SPAG16: variants seen among roughly 807,000 people sequenced by gnomAD.
SPAG16 encodes the protein sperm associated antigen 16, also known as sperm-associated antigen 16 protein.
Under a neutral mutation model 80.4 loss-of-function variants are expected in SPAG16, and 86 were observed. The observed-to-expected ratio is 1.07, with a 90% CI of 0.90 to 1.28. SPAG16 has a LOEUF of 1.28. Ranked by LOEUF, SPAG16 falls within the 50% of genes most tolerant of loss-of-function variation. The pLI, the probability that SPAG16 is intolerant of heterozygous loss-of-function variation, is 0.00. For synonymous variants in SPAG16, 294 were observed against 265.9 expected (o/e 1.11, Z -1.03); for missense variants, 870 against 765.3 (o/e 1.14, Z -1.61).
chr2:213,629,752 A>G (rs1043203874), intron 10 of SPAG16, among the ~76,000 whole-genome samples: 4 of 152,156 alleles, frequency 2.6e-5, no homozygotes, highest in Non-Finnish European at 4.4e-5. Flanking sequence ...CTGGCTGGGT[A>G]TAGGCAATGG....
At chr2:214,354,859 G>A (rs1331437684) in intron 15 of SPAG16, among the ~76,000 whole-genome samples, 1 of 152,114 alleles carries the variant, frequency 6.6e-6, no homozygotes. Flanking sequence ...TGTATCCTGA[G>A]ACTTTGCTGA....
chr2:213,625,106 T>A (rs1436326636), intron 10 of SPAG16, among the ~76,000 whole-genome samples: 6 of 152,158 alleles, frequency 3.9e-5, no homozygotes, highest in Admixed American at 3.9e-4. Context: ...GTTTTTTAAT[T>A]CTAAATGGAG....
At chr2:214,303,970 G>C (rs2125961494) in intron 15 of SPAG16, among the ~76,000 whole-genome samples, 1 of 152,218 alleles carries the variant, frequency 6.6e-6, no homozygotes, top group Non-Finnish European at 1.5e-5. Context: ...ATTAAGCCTA[G>C]TACCCATTAG....
At chr2:214,048,805 G>A (rs2049480454) in intron 13 of SPAG16, among the ~76,000 whole-genome samples, 1 of 152,024 alleles carries the variant, frequency 6.6e-6, no homozygotes, top group Non-Finnish European at 1.5e-5. Context: ...AATATCTCAT[G>A]TAACCCATAA....
At chr2:214,291,547 C>T (rs9678238) in intron 15 of SPAG16, among the ~76,000 whole-genome samples, 113,331 of 151,344 alleles carry the variant, frequency 0.75, 44,226 homozygotes, top group South Asian at 0.86. Flanking sequence ...CCTCGTGATC[C>T]GCCCGCCTCG....
Position 213,317,342 on chromosome 2 carries a change from CA to C in SPAG16, c.525del (p.Lys175AsnfsTer12). 6.2e-7 allele frequency: 1 copy of C among 1,608,626 alleles called. No individual in the cohort carries two copies. Among genetic ancestry groups the C allele is most frequent in the Non-Finnish European group, 8.5e-7 (1 of 1,177,384 alleles). On this transcript the variant is annotated frameshift_variant, in exon 5 of 16. Coordinates refer to ENST00000331683, the MANE Select transcript of SPAG16 (RefSeq NM_024532.5). LOFTEE classifies it high-confidence loss of function. ...ATTTAAAGAAAGATTTGAAGCACTA[CA>C]AACAAGCAGCTGAGTATGTTATTTT... ...KNLKKDLKHY[K>X]QAADKAREDL...
At chr2:213,322,570 C>T (rs1175311706) in intron 5 of SPAG16, among the ~76,000 whole-genome samples, 1 of 151,990 alleles carries the variant, frequency 6.6e-6, no homozygotes, top group Admixed American at 6.6e-5. Flanking sequence ...ACTGTTCTGC[C>T]CCTCCTTCTA....
intron 12 of SPAG16, among the ~76,000 whole-genome samples, chr2:213,993,313 G>A (rs908914175): frequency 1.3e-5 from 2 of 152,272 alleles, no homozygotes; most frequent in Non-Finnish European, 2.9e-5. Flanking sequence ...CAATATCCCA[G>A]TCACACAGTG....
chr2:213,981,613 C>T (rs1559655299), intron 12 of SPAG16, among the ~76,000 whole-genome samples: 1 of 151,958 alleles, frequency 6.6e-6, no homozygotes, highest in Non-Finnish European at 1.5e-5. Flanking sequence ...ATGAAAATAG[C>T]GTACCTATAG....
At chr2:214,324,770 G>A (rs1330794634) in intron 15 of SPAG16, among the ~76,000 whole-genome samples, 1 of 151,956 alleles carries the variant, frequency 6.6e-6, no homozygotes, top group African/African-American at 2.4e-5. Context: ...CTCTTTAGTG[G>A]CTCATCTATG....
At chr2:213,811,857 G>A (rs2072176682) in intron 10 of SPAG16, among the ~76,000 whole-genome samples, 2 of 152,098 alleles carry the variant, frequency 1.3e-5, no homozygotes, top group South Asian at 4.2e-4. Flanking sequence ...AAGCAGTGAG[G>A]GGTCAATCCT....
At chr2:213,574,848 G>T (rs1398929502) in intron 10 of SPAG16, among the ~76,000 whole-genome samples, 4 of 151,838 alleles carry the variant, frequency 2.6e-5, no homozygotes, top group South Asian at 2.1e-4. Flanking sequence ...ACATCTGTGT[G>T]TGTGTATAAA....
At chr2:213,664,855 T>G (rs1032289220) in intron 10 of SPAG16, among the ~76,000 whole-genome samples, 5 of 152,028 alleles carry the variant, frequency 3.3e-5, no homozygotes, top group East Asian at 3.8e-4. Flanking sequence ...ACACACATAT[T>G]CATATACATA....
intron 15 of SPAG16, among the ~76,000 whole-genome samples, chr2:214,307,808 T>G (rs1248245023): frequency 6.6e-6 from 1 of 152,124 alleles, no homozygotes; most frequent in Admixed American, 6.6e-5. Flanking sequence ...GTGTTTTACT[T>G]CCAATTATGT....
At chr2:214,263,989 T>A (rs932486194) in intron 15 of SPAG16, among the ~76,000 whole-genome samples, 10 of 152,130 alleles carry the variant, frequency 6.6e-5, no homozygotes, top group African/African-American at 2.4e-4. Context: ...AATTATTAAG[T>A]CTATACTTTT....
At chr2:213,899,217 T>A (rs748555702) in intron 11 of SPAG16, among the ~76,000 whole-genome samples, 7 of 151,978 alleles carry the variant, frequency 4.6e-5, no homozygotes, top group Non-Finnish European at 7.4e-5. Flanking sequence ...AATATTTGGG[T>A]GATAAAGGAG....
intron 10 of SPAG16, among the ~76,000 whole-genome samples, chr2:213,796,931 TAAAGA>T (rs2071076452): frequency 7.1e-5 from 2 of 28,162 alleles, no homozygotes; most frequent in Non-Finnish European, 1.7e-4. Context: ...TTATTTCTCC[TAAAGA>T]CCTTTTAGTG....
chr2:213,639,972 T>G (rs1407423507), intron 10 of SPAG16, among the ~76,000 whole-genome samples: 2 of 152,210 alleles, frequency 1.3e-5, no homozygotes, highest in African/African-American at 4.8e-5. Flanking sequence ...ATTGGGTTAA[T>G]TTGAAAGCCT....
At chr2:214,391,254 T>C (rs1701064477) in intron 15 of SPAG16, among the ~76,000 whole-genome samples, 1 of 152,130 alleles carries the variant, frequency 6.6e-6, no homozygotes, top group African/African-American at 2.4e-5. Flanking sequence ...ATTAGAATGA[T>C]TTTGAGCAGT....
Sources: allele counts gnomAD v4.1 joint callset (sites outside exome capture counted in the v4.1 genomes callset), GRCh38; gene constraint gnomAD v4.1.1; transcripts MANE v1.5; gene names NCBI Gene and HGNC (gene_info 2026-07-23, HGNC 2026-07-21).